Variants in BRD3 observed in about 807,000 individuals in gnomAD.
The protein encoded by BRD3 is bromodomain containing 3.
A neutral mutation model predicts 66.8 loss-of-function variants in BRD3; 17 were observed. That is an observed-to-expected ratio of 0.25 (90% CI 0.17 to 0.38). The LOEUF is 0.38. Among genes scored for constraint, BRD3 ranks in the 10% least tolerant of loss-of-function variants. BRD3 has a pLI of 1.00. For missense variants in BRD3, 713 were observed against 956.1 expected (o/e 0.75, Z 3.35); for synonymous variants, 421 against 393.2 (o/e 1.07, Z -0.84).
chr9:134,055,066 G>A (rs984514956), intron 1 of BRD3, among the ~76,000 whole-genome samples: 4 of 151,000 alleles, frequency 2.6e-5, no homozygotes, highest in Non-Finnish European at 4.4e-5. Flanking sequence ...CCACCTCACC[G>A]ACCCGGTGCT....
At position 134,045,566 on chromosome 9, in the gene BRD3, A is replaced by G; in HGVS notation, c.1087-145T>C. 1 of 1,208,710 alleles carries G rather than the reference A, an allele frequency of 8.3e-7. No individual in the cohort carries two copies. The highest frequency in any genetic ancestry group is 1.2e-6 in the Non-Finnish European group (1 of 856,520). 74.9% of individuals were successfully genotyped at this position (1,208,710 alleles called of 1,614,324 possible). ...ACTGGCCTGGCCGGCAGGACACCCC[A>G]GCTCTCTGGGACCTCGTACGAGGAA... On this transcript the variant is annotated intron_variant, in intron 6 of 11. Coordinates refer to ENST00000303407, the MANE Select transcript of BRD3 (RefSeq NM_007371.4). The surrounding 1 kb of genome is among the most constrained non-coding windows in gnomAD (Gnocchi z 4.8).
chr9:134,051,965 A>ACTG lies in BRD3; in HGVS notation c.352-259_352-257dup, dbSNP rs577523705. 2.3e-4 allele frequency among the ~76,000 whole-genome samples: 33 copies of ACTG among 142,660 alleles called. No homozygotes were observed. The South Asian group carries it at 7.0e-3, about 30-fold the overall frequency. The allele number at this position is 142,660 out of a possible 152,430, so 93.6% of individuals were successfully genotyped here. ...GAGTGCAGTGGCATGATCTCGGCTCACTGCAACCTCCACCTCCCGGGTTTA... is the reference window on the plus strand; with the variant it reads ...GAGTGCAGTGGCATGATCTCGGCTCACTGCTGCAACCTCCACCTCCCGGGTTTA... On this transcript the variant is annotated intron_variant, in intron 3 of 11. Coordinates refer to ENST00000303407, the MANE Select transcript of BRD3 (RefSeq NM_007371.4).
chr9:134,042,302 TG>T (rs1382684580), intron 7 of BRD3, among the ~76,000 whole-genome samples: 5 of 152,122 alleles, frequency 3.3e-5, no homozygotes, highest in Admixed American at 2.0e-4. Flanking sequence ...CGGGAAACAG[TG>T]TCTTCCCTTG....
intron 1 of BRD3, among the ~76,000 whole-genome samples, chr9:134,062,285 C>T (rs1287173376): frequency 6.6e-6 from 1 of 152,168 alleles, no homozygotes; most frequent in African/African-American, 2.4e-5. Flanking sequence ...GGGCCCGGCT[C>T]TACAGGCCCA....
chr9:134,053,196 G>T, intron 2 of BRD3, 69 bp downstream of exon 2: 3 of 1,536,966 alleles, frequency 2.0e-6, no homozygotes, highest in South Asian at 1.1e-5. Context: ...TCCAGGATGG[G>T]GGCAGCAGGA....
In BRD3 at chr9:134,045,731, C is replaced by T. The variant is rs1328456479; in HGVS notation, c.1087-310G>A. Among the ~76,000 whole-genome samples, 2 of 152,180 alleles carry T rather than the reference C, an allele frequency of 1.3e-5. No homozygotes were observed. Among genetic ancestry groups the T allele is most frequent in the East Asian group, 3.9e-4 (2 of 5,190 alleles). The stretch of plus-strand genomic sequence containing the variant: ...CCCGTAGGCGTCCCTTGGCCCCTTC[C>T]TTGTCCAGAGCTTCCCTTCACACAA... On this transcript the variant is annotated intron_variant, in intron 6 of 11. Transcript: ENST00000303407. This position sits in a 1 kb window ranked among gnomAD's most constrained non-coding sequence, Gnocchi z 4.8.
intron 8 of BRD3, among the ~76,000 whole-genome samples, chr9:134,041,385 C>T (rs956498347): frequency 6.6e-6 from 1 of 152,156 alleles, no homozygotes; most frequent in Non-Finnish European, 1.5e-5. Flanking sequence ...CTGGAGCCTG[C>T]ACCCCACCCC....
Position 134,048,349 on chromosome 9 carries a change from T to C in BRD3, c.820A>G (p.Lys274Glu). 1.3e-6 allele frequency: 2 copies of C among 1,599,312 alleles called. No individual in the cohort carries two copies. Among genetic ancestry groups the C allele is most frequent in the Non-Finnish European group, 1.7e-6 (2 of 1,179,858 alleles). ...PPPLSDPKQA[K>E]VVARRESGGR... ...CCACTCTCCCGCCGGGCCACCACTT[T>C]GGCCTGCTTGGGGTCTGACAACGGC... Residue 274 changes from lysine (K) to glutamate (E), a missense_variant, in exon 6 of 12, where the codon AAA (lysine) becomes GAA (glutamate). This residue lies in a region of BRD3 where 418 missense variants were observed against 609.3 expected (regional missense o/e 0.69). Transcript: ENST00000303407.
chr9:134,047,338 G>A (rs927716328), intron 6 of BRD3, among the ~76,000 whole-genome samples: 7 of 152,358 alleles, frequency 4.6e-5, no homozygotes, highest in South Asian at 2.1e-4. Flanking sequence ...CTGCCTGCAC[G>A]TCCCTGGGAG....
rs1395477248 is a variant in BRD3, at chr9:134,032,297, A to G, written c.*1293T>C. ...TCTCAGATTACAAAGTTTATATTAT[A>G]TAACTGGGGTTCCCTAAATTGATTT... On this transcript the variant is annotated 3_prime_UTR_variant, in exon 12 of 12. Transcript: ENST00000303407. The G allele has an allele frequency of 9.1e-6, 2 of 220,606 alleles. No individual in the cohort carries two copies. Among genetic ancestry groups the G allele is most frequent in the Non-Finnish European group, 1.8e-5 (2 of 110,330 alleles). 13.7% of individuals were successfully genotyped at this position (220,606 alleles called of 1,614,324 possible). A position where few individuals can be genotyped will look rare whatever the true frequency, so the allele number is the denominator to read the frequency against.
chr9:134,033,585 C>A lies in BRD3; in HGVS notation c.*5G>T, dbSNP rs774314861. The A allele has an allele frequency of 1.3e-6, 1 of 756,524 alleles. No homozygotes were observed. The highest frequency in any genetic ancestry group is 2.5e-6 in the Non-Finnish European group (1 of 404,656). 46.9% of individuals were successfully genotyped at this position (756,524 alleles called of 1,614,324 possible). A position where few individuals can be genotyped will look rare whatever the true frequency, so the allele number is the denominator to read the frequency against. On this transcript the variant is annotated 3_prime_UTR_variant, in exon 12 of 12. Transcript: ENST00000303407. The surrounding 1 kb of genome is among the most constrained non-coding windows in gnomAD (Gnocchi z 5.1). ...TCCATCTGTCCTGTTCTGTCCGAAGCCAGTTCATTCTGAGTCACTGCTGTC... is the reference window on the plus strand; with the variant it reads ...TCCATCTGTCCTGTTCTGTCCGAAGACAGTTCATTCTGAGTCACTGCTGTC...
At chr9:134,060,610 A>ACACACACACACACACAC (rs1397086691) in intron 1 of BRD3, among the ~76,000 whole-genome samples, 3 of 151,700 alleles carry the variant, frequency 2.0e-5, no homozygotes, top group Non-Finnish European at 4.4e-5. Context: ...ACACACACAC[A>ACACACACACACACACAC]CACACACACA....
chr9:134,051,832 G>C, intron 3 of BRD3, 123 bp from the exon 4 acceptor site: 4 of 880,080 alleles, frequency 4.5e-6, no homozygotes, highest in Admixed American at 3.5e-5. Flanking sequence ...GCGCAGGAGA[G>C]AACAAAATGA....
At chr9:134,049,850 A>T (rs1049710771) in intron 5 of BRD3, among the ~76,000 whole-genome samples, 1 of 152,126 alleles carries the variant, frequency 6.6e-6, no homozygotes, top group Admixed American at 6.5e-5. Flanking sequence ...GCCAGCCCCA[A>T]ATCTTGCAGG....
intron 1 of BRD3, among the ~76,000 whole-genome samples, chr9:134,067,408 G>A (rs1201373078): frequency 6.7e-6 from 1 of 150,332 alleles, no homozygotes; most frequent in East Asian, 2.0e-4. Context: ...CCCCAGCAAC[G>A]GCTCGGGAGC....
intron 1 of BRD3, among the ~76,000 whole-genome samples, chr9:134,060,001 G>C (rs1185353725): frequency 6.6e-6 from 1 of 152,214 alleles, no homozygotes; most frequent in Non-Finnish European, 1.5e-5. Context: ...CAGGGATGGA[G>C]CTCTGTCTCC....
In BRD3 at chr9:134,034,928, G is replaced by A. The variant is rs1843577082; in HGVS notation, c.1937-99C>T. 1.9e-6 allele frequency: 3 copies of A among 1,539,306 alleles called. No homozygotes were observed. In the Admixed American group the frequency reaches 5.5e-5, roughly 28 times the overall value. ...GCCAAGGCCCCAGCCCTGCACACTG[G>A]CATCCATGCCAGCTGCCCAGCTTTC... On this transcript the variant is annotated intron_variant, in intron 10 of 11. Transcript: ENST00000303407.
In BRD3 at chr9:134,053,437, G is replaced by GCCGGGATCC; in HGVS notation, c.32_40dup (p.Gly11_Pro13dup). The GCCGGGATCC allele has an allele frequency of 1.2e-6, 2 of 1,610,192 alleles. No individual in the cohort carries two copies. Among genetic ancestry groups the GCCGGGATCC allele is most frequent in the South Asian group, 2.2e-5 (2 of 91,020 alleles). On this transcript the variant is annotated inframe_insertion, in exon 2 of 12. Coordinates refer to ENST00000303407, the MANE Select transcript of BRD3 (RefSeq NM_007371.4). ...GGGTGGGTTCACAGGGCCCGGGGTC[G>GCCGGGATCC]CCGGGATCCCCGCGGGGGCGACTGT...
intron 6 of BRD3, among the ~76,000 whole-genome samples, chr9:134,047,406 C>T (rs1830195261): frequency 1.3e-5 from 2 of 152,218 alleles, no homozygotes. Flanking sequence ...TGGAAAGGTG[C>T]TCAGGGAAGA....
Sources: allele counts gnomAD v4.1 joint callset (sites outside exome capture counted in the v4.1 genomes callset), GRCh38; gene constraint gnomAD v4.1.1; regional missense constraint gnomAD v4.1.1; non-coding constraint Gnocchi (gnomAD v3.1); transcripts MANE v1.5; gene names NCBI Gene and HGNC (gene_info 2026-07-23, HGNC 2026-07-21).